Variants in SNHG17 observed in about 807,000 individuals in gnomAD.
The protein encoded by SNHG17 is small nucleolar RNA host gene 17, also known as small nucleolar RNA host gene 17 (non-protein coding).
chr20:38,425,404 C>A, intron 5 of SNHG17: 1 of 464,562 alleles, frequency 2.2e-6, no homozygotes, highest in Non-Finnish European at 4.4e-6. Context: ...AACTAAGAGA[C>A]CTGGAAACAA....
Position 38,429,773 on chromosome 20 carries a change from G to A in SNHG17, n.380+1268C>T, listed in dbSNP as rs769264948. 11 of 517,614 alleles carry A rather than the reference G, an allele frequency of 2.1e-5. No homozygotes were observed. The East Asian group carries it at 3.3e-4, about 16-fold the overall frequency. 32.1% of individuals were successfully genotyped at this position (517,614 alleles called of 1,614,324 possible). A position where few individuals can be genotyped will look rare whatever the true frequency, so the allele number is the denominator to read the frequency against. On this transcript the variant is annotated intron_variant and non_coding_transcript_variant, in intron 3 of 8. Transcript: ENST00000654008. ...CCTGCACTACCAATGACCAGGGCAC[G>A]GGCAGCTCATGATCACTTTCGAATG... is the stretch of plus-strand genomic sequence containing the variant.
chr20:38,422,796 AAAG>A (rs1224692282), intron 5 of SNHG17, among the ~76,000 whole-genome samples: 1 of 152,092 alleles, frequency 6.6e-6, no homozygotes, highest in African/African-American at 2.4e-5. Flanking sequence ...TCACCCTTAA[AAAG>A]AAGACCCTTG....
chr20:38,426,989 T>TACAC (rs764575761), intron 3 of SNHG17, among the ~76,000 whole-genome samples: 7 of 112,756 alleles, frequency 6.2e-5, no homozygotes, highest in African/African-American at 2.4e-4. Context: ...GTCCCCAAGT[T>TACAC]ACACATACAC....
At chr20:38,433,050 G>A (rs550449342) in intron 2 of SNHG17, among the ~76,000 whole-genome samples, 1 of 152,264 alleles carries the variant, frequency 6.6e-6, no homozygotes, top group East Asian at 1.9e-4. Context: ...TTGGCTCACT[G>A]CAACCTCCAC....
chr20:38,423,800 T>TA (rs554053453), intron 5 of SNHG17, among the ~76,000 whole-genome samples: 79 of 152,302 alleles, frequency 5.2e-4, no homozygotes, highest in Admixed American at 1.1e-3. Context: ...TTCACCATAG[T>TA]AACCACTGTG....
At chr20:38,422,346 G>A (rs1183038035) in intron 5 of SNHG17, 1 of 152,258 alleles carries the variant, frequency 6.6e-6, no homozygotes, top group African/African-American at 2.4e-5. Flanking sequence ...ATCCCATGGA[G>A]CCTCTGCACA....
intron 5 of SNHG17, chr20:38,425,101 G>A (rs1258262308): frequency 2.1e-5 from 9 of 420,658 alleles, no homozygotes; most frequent in South Asian, 7.1e-5. Context: ...TCTCTTCTCC[G>A]GCCTGTTGAA....
chr20:38,433,118 G>A (rs1257151922), intron 2 of SNHG17, among the ~76,000 whole-genome samples: 1 of 152,110 alleles, frequency 6.6e-6, no homozygotes, highest in Non-Finnish European at 1.5e-5. Flanking sequence ...GGAATTATAG[G>A]CGTGTGCCAC....
Position 38,431,661 on chromosome 20 carries a change from G to A in SNHG17, n.309-549C>T, listed in dbSNP as rs577410515. ...CTCAGCGTACTCCTGTTTTCCAGAC[G>A]AGAAAACTGAAGATCACAAAAAGAA... On this transcript the variant is annotated intron_variant and non_coding_transcript_variant, in intron 2 of 8. Coordinates refer to ENST00000654008, the Ensembl canonical transcript of SNHG17. 3.9e-5 allele frequency among the ~76,000 whole-genome samples: 6 copies of A among 152,332 alleles called. No individual in the cohort carries two copies. In the East Asian group the frequency reaches 7.7e-4, roughly 20 times the overall value.
chr20:38,427,314 G>C (rs752011385), intron 3 of SNHG17: 1 of 505,616 alleles, frequency 2.0e-6, no homozygotes, highest in Non-Finnish European at 3.9e-6. Context: ...GGAGTTGTGT[G>C]AAAGCTTCAG....
At chr20:38,429,712 T>A (rs2084310282) in intron 3 of SNHG17, 1 of 510,778 alleles carries the variant, frequency 2.0e-6, no homozygotes, top group Non-Finnish European at 3.9e-6. Flanking sequence ...GAGTGGACCC[T>A]CCAAACACGG....
intron 5 of SNHG17, chr20:38,425,433 A>C (rs1349622166): frequency 7.1e-6 from 3 of 422,658 alleles, no homozygotes; most frequent in Non-Finnish European, 1.4e-5. Context: ...CCAGATTTGC[A>C]GCCTAGAATT....
chr20:38,434,029 G>C (rs368439390), intron 2 of SNHG17: 48 of 516,434 alleles, frequency 9.3e-5, no homozygotes, highest in African/African-American at 8.3e-4. Context: ...CCACGTCAGC[G>C]TGTTAGCTGC....
chr20:38,427,614 G>A (rs539655063), intron 3 of SNHG17: 38 of 191,826 alleles, frequency 2.0e-4, no homozygotes, highest in African/African-American at 8.0e-4. Context: ...CAAAAGCCCT[G>A]GAAAAATCTG....
chr20:38,424,495 AT>A, intron 5 of SNHG17, among the ~76,000 whole-genome samples: 1 of 152,308 alleles, frequency 6.6e-6, no homozygotes, highest in East Asian at 1.9e-4. Flanking sequence ...GTTCTAGGAC[AT>A]TTTTAACCCC....
chr20:38,423,231 T>C (rs532592061), intron 5 of SNHG17, among the ~76,000 whole-genome samples: 13 of 150,438 alleles, frequency 8.6e-5, no homozygotes, highest in Admixed American at 8.6e-4. Context: ...ACCCCATCTA[T>C]ACAAAACATA....
chr20:38,420,920 A>G (rs1259443052), intron 7 of SNHG17: 1 of 152,100 alleles, frequency 6.6e-6, no homozygotes, highest in Non-Finnish European at 1.5e-5. Flanking sequence ...AGGACAAGTG[A>G]GACCAGTGAT....
chr20:38,425,569 T>C (rs994407023), intron 5 of SNHG17, among the ~76,000 whole-genome samples: 1 of 152,214 alleles, frequency 6.6e-6, no homozygotes, highest in African/African-American at 2.4e-5. Flanking sequence ...AAACTTCTGA[T>C]GTAGTAGGTT....
chr20:38,431,452 G>A (rs1269265241), intron 2 of SNHG17, among the ~76,000 whole-genome samples: 1 of 152,198 alleles, frequency 6.6e-6, no homozygotes, highest in African/African-American at 2.4e-5. Flanking sequence ...TCAGAAGCCT[G>A]AAAAATGGCC....
Sources: gnomAD v4.1 joint callset for allele counts (sites outside exome capture counted in the v4.1 genomes callset) on GRCh38, gnomAD v4.1.1 for gene constraint, MANE v1.5 for transcripts, NCBI Gene and HGNC (gene_info 2026-07-23, HGNC 2026-07-21) for gene names.